Variants in PCP4 observed in about 807,000 individuals in gnomAD.
PCP4 encodes calmodulin regulator protein PCP4.
In PCP4, 8 loss-of-function variants were observed where a neutral mutation model predicts 10.0. That is an observed-to-expected ratio of 0.80 (90% CI 0.47 to 1.45). PCP4 has a LOEUF of 1.45. Among genes scored for constraint, PCP4 ranks in the 40% most tolerant of loss-of-function variants. The probability of loss-of-function intolerance (pLI) is 0.00; values close to 1 mark genes in which losing one functional copy is unlikely to be tolerated. For missense variants in PCP4, 54 were observed against 74.4 expected, an observed-to-expected ratio of 0.73 and a Z score of 1.01; for synonymous variants, 21 against 23.0, an observed-to-expected ratio of 0.91 and a Z score of 0.24.
chr21:39,898,615 C>A, intron 2 of PCP4, 88 bp downstream of exon 2: 1 of 983,980 alleles, frequency 1.0e-6, no homozygotes, highest in East Asian at 2.4e-5. Context: ...CATCCCATCC[C>A]AAACAGCTTA....
chr21:39,906,572 C>G lies in PCP4; in HGVS notation c.61+8045C>G, dbSNP rs957091472. 3.3e-5 allele frequency among the ~76,000 whole-genome samples: 5 copies of G among 151,938 alleles called. No homozygotes were observed. Among genetic ancestry groups the G allele is most frequent in the Non-Finnish European group, 7.4e-5 (5 of 67,966 alleles). On this transcript the variant is annotated intron_variant, in intron 2 of 2. Transcript: ENST00000328619. The surrounding 1 kb of genome is among the most constrained non-coding windows in gnomAD (Gnocchi z 6.3). Reference sequence around the variant, plus strand: ...CCTTCCGCTCCTCCTTCTTCCCCTTCCTTCCCCCTTTCCTTCCCTTCCTTC... The same window carrying G: ...CCTTCCGCTCCTCCTTCTTCCCCTTGCTTCCCCCTTTCCTTCCCTTCCTTC...
At chr21:39,891,357 C>G (rs1160264240) in intron 1 of PCP4, among the ~76,000 whole-genome samples, 1 of 152,176 alleles carries the variant, frequency 6.6e-6, no homozygotes, top group Non-Finnish European at 1.5e-5. Context: ...CACCTCCACC[C>G]CTTGCCTTGG....
chr21:39,878,386 G>A (rs1384259551), intron 1 of PCP4, among the ~76,000 whole-genome samples: 2 of 152,210 alleles, frequency 1.3e-5, no homozygotes, highest in African/African-American at 2.4e-5. Flanking sequence ...AGAGCCATGT[G>A]AGAATTTAGC....
intron 1 of PCP4, among the ~76,000 whole-genome samples, chr21:39,879,103 C>T (rs140983560): frequency 0.079 from 11,947 of 151,850 alleles, 708 homozygotes; most frequent in Non-Finnish European, 0.12. Context: ...GATTCTCCTG[C>T]CTCAGCCTCC....
At chr21:39,918,866 A>T (rs1433907852) in intron 2 of PCP4, among the ~76,000 whole-genome samples, 1 of 152,202 alleles carries the variant, frequency 6.6e-6, no homozygotes, top group Admixed American at 6.5e-5. Context: ...GCAGAAGGAC[A>T]CAGTGGCTCT....
At chr21:39,884,745 T>C (rs776618978) in intron 1 of PCP4, among the ~76,000 whole-genome samples, 2 of 151,822 alleles carry the variant, frequency 1.3e-5, no homozygotes. Context: ...TTGCAGTGAG[T>C]GGAGATCATG....
chr21:39,901,434 C>T (rs2087482019), intron 2 of PCP4, among the ~76,000 whole-genome samples: 4 of 152,212 alleles, frequency 2.6e-5, no homozygotes, highest in African/African-American at 9.6e-5. Flanking sequence ...GTCTCTGCCC[C>T]TTGGCTTTAT....
intron 1 of PCP4, among the ~76,000 whole-genome samples, chr21:39,894,089 G>A (rs1435006947): frequency 6.6e-6 from 1 of 152,102 alleles, no homozygotes; most frequent in Non-Finnish European, 1.5e-5. Context: ...GGTGGGTGTC[G>A]GGCTGGAGAT....
In PCP4 at chr21:39,906,863, A is replaced by G. The variant is rs1409480528; in HGVS notation, c.61+8336A>G. Among the ~76,000 whole-genome samples the G allele has an allele frequency of 2.0e-5, 3 of 152,200 alleles. No homozygotes were observed. The highest frequency in any genetic ancestry group is 4.4e-5 in the Non-Finnish European group (3 of 68,050). On this transcript the variant is annotated intron_variant, in intron 2 of 2. Transcript: ENST00000328619. This position sits in a 1 kb window ranked among gnomAD's most constrained non-coding sequence, Gnocchi z 6.3. ...TTTGGAAACCTGCCCCAAGCAGGAG[A>G]TATTCCAGGTTTCAAATGTTTCAGG...
intron 1 of PCP4, among the ~76,000 whole-genome samples, chr21:39,889,501 C>T (rs1223985309): frequency 6.7e-6 from 1 of 149,426 alleles, no homozygotes; most frequent in African/African-American, 2.5e-5. Context: ...ACTGCAAGCT[C>T]CGCCTCCCGG....
chr21:39,879,990 C>G (rs1253422791), intron 1 of PCP4, among the ~76,000 whole-genome samples: 8 of 152,146 alleles, frequency 5.3e-5, no homozygotes, highest in Non-Finnish European at 5.9e-5. Flanking sequence ...GAGGCCAGTC[C>G]TGGGTCAAAA....
At chr21:39,867,554 A>C in intron 1 of PCP4, 44 bp downstream of exon 1, 1 of 1,598,038 alleles carries the variant, frequency 6.3e-7, no homozygotes. Context: ...AGGAGTGAGA[A>C]GGGACCTCGG....
intron 2 of PCP4, among the ~76,000 whole-genome samples, chr21:39,909,800 C>T (rs55703940): frequency 7.0e-6 from 1 of 143,578 alleles, no homozygotes; most frequent in Admixed American, 6.9e-5. Context: ...CTTTTCTTTT[C>T]TTTTTTTTTT....
intron 2 of PCP4, among the ~76,000 whole-genome samples, chr21:39,909,693 A>G (rs1343412170): frequency 6.6e-6 from 1 of 152,122 alleles, no homozygotes; most frequent in Non-Finnish European, 1.5e-5. Flanking sequence ...ACGTTTATGA[A>G]AACTCTCCCT....
chr21:39,903,286 T>A (rs2087489620), intron 2 of PCP4, among the ~76,000 whole-genome samples: 1 of 152,190 alleles, frequency 6.6e-6, no homozygotes. Context: ...TAGCGAGCTG[T>A]GATGCATTTG....
chr21:39,869,935 T>C (rs537947512), intron 1 of PCP4, among the ~76,000 whole-genome samples: 1 of 152,330 alleles, frequency 6.6e-6, no homozygotes, highest in Admixed American at 6.5e-5. Flanking sequence ...ACCTTAGGAT[T>C]GATTGGGGTC....
intron 1 of PCP4, among the ~76,000 whole-genome samples, chr21:39,887,510 T>C (rs1346042704): frequency 6.6e-6 from 1 of 152,178 alleles, no homozygotes; most frequent in East Asian, 1.9e-4. Flanking sequence ...ATCTTTTCTG[T>C]CTCTGTCACA....
At chr21:39,915,447 C>G (rs756030104) in intron 2 of PCP4, among the ~76,000 whole-genome samples, 1 of 152,114 alleles carries the variant, frequency 6.6e-6, no homozygotes, top group Non-Finnish European at 1.5e-5. Flanking sequence ...TTATCACACA[C>G]GTGTAGAAGA....
intron 2 of PCP4, among the ~76,000 whole-genome samples, chr21:39,908,063 C>G (rs2087521557): frequency 6.6e-6 from 1 of 151,898 alleles, no homozygotes; most frequent in Non-Finnish European, 1.5e-5. Flanking sequence ...TGCTGCTTCC[C>G]AAAGACAAAG....
Sources: allele counts gnomAD v4.1 joint callset (sites outside exome capture counted in the v4.1 genomes callset), GRCh38; gene constraint gnomAD v4.1.1; non-coding constraint Gnocchi (gnomAD v3.1); transcripts MANE v1.5; gene names NCBI Gene and HGNC (gene_info 2026-07-23, HGNC 2026-07-21).